MYO5B: variants seen among roughly 807,000 people sequenced by gnomAD.
MYO5B encodes myosin VB.
A neutral mutation model predicts 229.3 loss-of-function variants in MYO5B; 143 were observed. That is an observed-to-expected ratio of 0.62 (90% CI 0.54 to 0.72). The LOEUF (loss-of-function observed/expected upper bound fraction) is 0.72. Among genes scored for constraint, MYO5B ranks in the 30% least tolerant of loss-of-function variants. The pLI is 0.00. For synonymous variants in MYO5B, 918 were observed against 885.2 expected (o/e 1.04, Z -0.66); for missense variants, 2,321 against 2,331.0 (o/e 1.00, Z 0.09).
At chr18:50,064,493 A>C (rs908951833) in intron 1 of MYO5B, 1 of 152,252 alleles carries the variant, frequency 6.6e-6, no homozygotes, top group African/African-American at 2.4e-5. Context: ...GCAATCAAGT[A>C]TATGAATTAA....
intron 4 of MYO5B, among the ~76,000 whole-genome samples, chr18:50,015,574 G>A (rs2026207435): frequency 6.6e-6 from 1 of 152,192 alleles, no homozygotes; most frequent in African/African-American, 2.4e-5. Flanking sequence ...AAATCTACAG[G>A]CATTTTCAGT....
intron 8 of MYO5B, 77 bp from the exon 9 acceptor site, chr18:49,980,630 AT>A (rs879048178): frequency 0.022 from 18,067 of 811,122 alleles, 4 homozygotes; most frequent in Non-Finnish European, 0.024. Flanking sequence ...TTTTAAGGAC[AT>A]TTTTTTTTTT....
intron 1 of MYO5B, among the ~76,000 whole-genome samples, chr18:50,131,915 A>T (rs76930647): frequency 0.016 from 2,425 of 152,264 alleles, 58 homozygotes; most frequent in African/African-American, 0.055. Context: ...CACCATCCAC[A>T]ATCAGATCTG....
Position 49,839,389 on chromosome 18 carries a change from G to A in MYO5B, c.4702-95C>T. ...GGTAACTTTAGTCATCTATTTGGTG[G>A]GCAGGGGGCCTACTCAGGCCCTCCC... On this transcript the variant is annotated intron_variant, in intron 35 of 39. Coordinates refer to ENST00000285039, the MANE Select transcript of MYO5B (RefSeq NM_001080467.3). 6.9e-6 allele frequency: 10 copies of A among 1,452,536 alleles called. No homozygotes were observed. In the South Asian group the frequency reaches 1.1e-4, roughly 17 times the overall value. 90.0% of individuals were successfully genotyped at this position (1,452,536 alleles called of 1,614,324 possible). A position where few individuals can be genotyped will look rare whatever the true frequency, so the allele number is the denominator to read the frequency against.
At chr18:50,115,643 G>A (rs1195709096) in intron 1 of MYO5B, among the ~76,000 whole-genome samples, 1 of 151,776 alleles carries the variant, frequency 6.6e-6, no homozygotes, top group African/African-American at 2.4e-5. Context: ...ATCCCCTTAT[G>A]GTGGGAGTCT....
intron 10 of MYO5B, among the ~76,000 whole-genome samples, chr18:49,966,230 G>A (rs1399471933): frequency 6.6e-6 from 1 of 152,186 alleles, no homozygotes; most frequent in Non-Finnish European, 1.5e-5. Flanking sequence ...ATCATTTAGA[G>A]ATTAAATGAG....
At chr18:50,112,731 T>C (rs1484526745) in intron 1 of MYO5B, among the ~76,000 whole-genome samples, 1 of 152,232 alleles carries the variant, frequency 6.6e-6, no homozygotes, top group East Asian at 1.9e-4. Context: ...CAGTAACTGA[T>C]GAATTATAAT....
At chr18:49,980,629 C>T in intron 8 of MYO5B, 76 bp from the exon 9 acceptor site, 1 of 1,083,210 alleles carries the variant, frequency 9.2e-7, no homozygotes, top group Non-Finnish European at 1.4e-6. Flanking sequence ...CTTTTAAGGA[C>T]ATTTTTTTTT....
At chr18:49,988,607 G>T (rs551499961) in intron 7 of MYO5B, among the ~76,000 whole-genome samples, 70 of 152,154 alleles carry the variant, frequency 4.6e-4, no homozygotes, top group Non-Finnish European at 8.7e-4. Flanking sequence ...ATCCAGATGG[G>T]TCTTGCCAAT....
chr18:49,863,401 T>C lies in MYO5B; in HGVS notation c.3844-74A>G, dbSNP rs976799111. 20 of 1,270,692 alleles carry C rather than the reference T, an allele frequency of 1.6e-5. No homozygotes were observed. In the African/African-American group the frequency reaches 2.5e-4, roughly 16 times the overall value. The allele number at this position is 1,270,692 out of a possible 1,614,324, so 78.7% of individuals were successfully genotyped here. On this transcript the variant is annotated intron_variant, in intron 28 of 39. Coordinates refer to ENST00000285039, the MANE Select transcript of MYO5B (RefSeq NM_001080467.3). ...AAATGGCTTTATATACAAACAGGTA[T>C]AAAAACATGCCTTTGGGAAAAGACA...
At chr18:49,891,490 G>A (rs1207816145) in intron 22 of MYO5B, among the ~76,000 whole-genome samples, 1 of 152,202 alleles carries the variant, frequency 6.6e-6, no homozygotes, top group Non-Finnish European at 1.5e-5. Flanking sequence ...TTGCCCCAGT[G>A]TGTAGAACAG....
At chr18:49,992,458 T>TG in intron 5 of MYO5B, 27 bp from the exon 6 acceptor site, 1 of 1,612,478 alleles carries the variant, frequency 6.2e-7, no homozygotes, top group Non-Finnish European at 8.5e-7. Context: ...GACAAAGGTA[T>TG]GAAAAAAAAA....
intron 5 of MYO5B, among the ~76,000 whole-genome samples, chr18:49,998,121 T>C (rs1179401328): frequency 6.6e-6 from 1 of 152,090 alleles, no homozygotes; most frequent in African/African-American, 2.4e-5. Flanking sequence ...TCTTTCTAAT[T>C]CTACTCAGGG....
intron 1 of MYO5B, among the ~76,000 whole-genome samples, chr18:50,085,515 C>T (rs2031311037): frequency 1.3e-5 from 2 of 151,974 alleles, no homozygotes; most frequent in Admixed American, 6.5e-5. Flanking sequence ...GGTGATTCCT[C>T]AGGGATCTAG....
intron 5 of MYO5B, 23 bp downstream of exon 5, chr18:50,001,232 C>G (rs1231925928): frequency 1.9e-6 from 3 of 1,614,066 alleles, no homozygotes; most frequent in Non-Finnish European, 8.5e-7. Flanking sequence ...GCCAGGAAGG[C>G]CAGGACACCT....
intron 5 of MYO5B, among the ~76,000 whole-genome samples, chr18:49,992,964 T>G (rs1036781395): frequency 2.0e-5 from 3 of 152,148 alleles, no homozygotes; most frequent in African/African-American, 7.2e-5. Flanking sequence ...AACTGACAAA[T>G]AATACCTTCC....
intron 11 of MYO5B, 67 bp from the exon 12 acceptor site, chr18:49,962,473 G>T (rs1012610663): frequency 1.2e-6 from 2 of 1,603,722 alleles, no homozygotes; most frequent in African/African-American, 1.3e-5. Context: ...TCCCCCAGGG[G>T]CTCAGTGAGT....
At position 49,962,345 on chromosome 18, in the gene MYO5B, T is replaced by C. The variant is rs756578413; in HGVS notation, c.1466A>G (p.Asp489Gly). 32 of 1,614,048 alleles carry C rather than the reference T, an allele frequency of 2.0e-5. No individual in the cohort carries two copies. The highest frequency in any genetic ancestry group is 2.7e-5 in the Non-Finnish European group (32 of 1,180,030). Residue 489 changes from aspartate (D) to glycine (G), a missense_variant, in exon 12 of 40, where the codon GAT becomes GGT. Asp to Gly is a moderately conservative substitution (Grantham distance 94). Around this residue, in one of 2 missense-constraint regions of MYO5B, gnomAD observed 2,113 missense variants for 2,044.7 expected, o/e 1.03. Coordinates refer to ENST00000285039, the MANE Select transcript of MYO5B (RefSeq NM_001080467.3). Reference sequence around the variant, plus strand: ...GATACAAGGTTGGTTATCATAAAAATCAATCAGGGTCCAAGGGATCTGTTC... The same window carrying C: ...GATACAAGGTTGGTTATCATAAAAACCAATCAGGGTCCAAGGGATCTGTTC... ...MKEQIPWTLI[D>G]FYDNQPCIDL... is the part of the protein sequence containing the mutation.
chr18:49,956,035 G>C (rs1366189858), intron 12 of MYO5B, among the ~76,000 whole-genome samples: 1 of 152,200 alleles, frequency 6.6e-6, no homozygotes, highest in Non-Finnish European at 1.5e-5. Context: ...TCGTAATCCT[G>C]CATATTCACT....
Sources: allele counts gnomAD v4.1 joint callset (sites outside exome capture counted in the v4.1 genomes callset), GRCh38; gene constraint gnomAD v4.1.1; regional missense constraint gnomAD v4.1.1; transcripts MANE v1.5; gene names NCBI Gene and HGNC (gene_info 2026-07-23, HGNC 2026-07-21).